Variants in SLC38A12 observed in about 807,000 individuals in gnomAD.
SLC38A12 encodes putative sodium-coupled neutral amino acid transporter 12.
At chr17:74,805,186 C>T in the SLC38A12 span, among the ~76,000 whole-genome samples, 1 of 152,240 alleles carries the variant, frequency 6.6e-6, no homozygotes, top group African/African-American at 2.4e-5. The surrounding 1 kb of genome is among the most constrained non-coding windows in gnomAD (Gnocchi z 5.0). Flanking sequence ...GGTCTTCCTT[C>T]AGGAACTGCT....
the SLC38A12 span, among the ~76,000 whole-genome samples, chr17:74,789,483 T>C: frequency 6.7e-6 from 1 of 149,720 alleles, no homozygotes; most frequent in African/African-American, 2.5e-5. Context: ...TGAGCTGAGA[T>C]TGTGCCACTG....
chr17:74,812,035 C>CAA, the SLC38A12 span, among the ~76,000 whole-genome samples: 2 of 139,902 alleles, frequency 1.4e-5, no homozygotes, highest in East Asian at 2.0e-4. Flanking sequence ...GACAGTGCCT[C>CAA]AAAAAAAAAA....
chr17:74,796,774 G>T, the SLC38A12 span, among the ~76,000 whole-genome samples: 5 of 152,228 alleles, frequency 3.3e-5, no homozygotes, highest in African/African-American at 1.2e-4. Context: ...TAATTGTCTG[G>T]CACCCTTCTC....
the SLC38A12 span, chr17:74,836,045 C>T: frequency 9.3e-6 from 15 of 1,613,288 alleles, no homozygotes; most frequent in Non-Finnish European, 1.2e-5. This position sits in a 1 kb window ranked among gnomAD's most constrained non-coding sequence, Gnocchi z 4.2. Context: ...GCGTCTACTC[C>T]TTCATGTGCC....
chr17:74,799,140 A>G, the SLC38A12 span, among the ~76,000 whole-genome samples: 7 of 152,280 alleles, frequency 4.6e-5, no homozygotes, highest in African/African-American at 7.2e-5. Flanking sequence ...CTCCTCCTAG[A>G]GAGAGTCAGA....
At chr17:74,815,217 A>G in the SLC38A12 span, among the ~76,000 whole-genome samples, 1 of 152,086 alleles carries the variant, frequency 6.6e-6, no homozygotes, top group Admixed American at 6.5e-5. Flanking sequence ...AAATGAAACC[A>G]TGTGTGTTAG....
the SLC38A12 span, among the ~76,000 whole-genome samples, chr17:74,828,776 C>T: frequency 6.6e-6 from 1 of 152,128 alleles, no homozygotes; most frequent in Non-Finnish European, 1.5e-5. Flanking sequence ...CAGCTCCACC[C>T]TAGGTCTTCA....
chr17:74,807,680 C>T, the SLC38A12 span, among the ~76,000 whole-genome samples: 2 of 152,224 alleles, frequency 1.3e-5, no homozygotes, highest in African/African-American at 2.4e-5. Flanking sequence ...CGTCCACTGC[C>T]GTGAAGTCAC....
chr17:74,813,877 A>G, the SLC38A12 span, among the ~76,000 whole-genome samples: 1 of 152,226 alleles, frequency 6.6e-6, no homozygotes, highest in South Asian at 2.1e-4. Flanking sequence ...AGATGGAACT[A>G]TGAGTGTTGT....
At chr17:74,824,593 T>C in the SLC38A12 span, among the ~76,000 whole-genome samples, 12 of 152,100 alleles carry the variant, frequency 7.9e-5, no homozygotes, top group African/African-American at 2.9e-4. Context: ...TTGGGGTTAT[T>C]AAAATCCGGA....
chr17:74,800,050 G>A, the SLC38A12 span, among the ~76,000 whole-genome samples: 5 of 152,210 alleles, frequency 3.3e-5, no homozygotes, highest in Non-Finnish European at 7.3e-5. Flanking sequence ...AGAGACGGGG[G>A]CTTCCTGGGA....
At chr17:74,789,902 G>A in the SLC38A12 span, among the ~76,000 whole-genome samples, 1 of 145,322 alleles carries the variant, frequency 6.9e-6, no homozygotes, top group Non-Finnish European at 1.5e-5. Context: ...GGGCTTTTCT[G>A]TAGAGTTCCA....
the SLC38A12 span, among the ~76,000 whole-genome samples, chr17:74,779,007 A>G: frequency 2.6e-5 from 4 of 152,114 alleles, no homozygotes; most frequent in African/African-American, 9.7e-5. Context: ...AATGGAATAA[A>G]TAGTGTCCCT....
the SLC38A12 span, among the ~76,000 whole-genome samples, chr17:74,830,091 G>C: frequency 6.6e-6 from 1 of 151,810 alleles, no homozygotes; most frequent in Non-Finnish European, 1.5e-5. Flanking sequence ...TGGGGGTGCT[G>C]GTAGGACTCC....
chr17:74,787,400 A>ATCATGAGG, the SLC38A12 span, among the ~76,000 whole-genome samples: 1 of 150,556 alleles, frequency 6.6e-6, no homozygotes, highest in African/African-American at 2.5e-5. Flanking sequence ...AGGCAGGTGG[A>ATCATGAGG]TCATGAGGTC....
At chr17:74,783,313 T>A in the SLC38A12 span, among the ~76,000 whole-genome samples, 2 of 152,152 alleles carry the variant, frequency 1.3e-5, no homozygotes, top group African/African-American at 4.8e-5. Flanking sequence ...ACAGTGAGCT[T>A]CATATTTAGT....
At chr17:74,781,491 G>C in the SLC38A12 span, among the ~76,000 whole-genome samples, 1 of 152,012 alleles carries the variant, frequency 6.6e-6, no homozygotes, top group East Asian at 1.9e-4. Flanking sequence ...TTGCTACATT[G>C]CCTAGGCTAG....
chr17:74,786,052 A>G, the SLC38A12 span, among the ~76,000 whole-genome samples: 1 of 152,270 alleles, frequency 6.6e-6, no homozygotes, highest in African/African-American at 2.4e-5. Context: ...TAATTCACGA[A>G]GTAGGTGATA....
At chr17:74,795,444 T>A in the SLC38A12 span, 45 of 1,261,640 alleles carry the variant, frequency 3.6e-5, no homozygotes, top group Middle Eastern at 2.0e-4. Context: ...CAGGCAGCTG[T>A]GCAGGGAGTG....
Sources: gnomAD v4.1 joint callset for allele counts (sites outside exome capture counted in the v4.1 genomes callset) on GRCh38, gnomAD v4.1.1 for gene constraint, Gnocchi (gnomAD v3.1) non-coding constraint, MANE v1.5 for transcripts, NCBI Gene and HGNC (gene_info 2026-07-23, HGNC 2026-07-21) for gene names.